Variants in ZNF578 observed in about 807,000 individuals in gnomAD.
ZNF578 encodes the protein zinc finger protein 578, also known as Putative chemokine-related protein B42.
Under a neutral mutation model 8.3 loss-of-function variants are expected in ZNF578, and 8 were observed. The observed-to-expected ratio is 0.96, with a 90% CI of 0.56 to 1.74. The LOEUF is 1.74. Among genes scored for constraint, ZNF578 ranks in the 40% most tolerant of loss-of-function variants. The pLI is 0.00. For synonymous variants in ZNF578, 206 were observed against 232.2 expected (o/e 0.89, Z 1.03); for missense variants, 726 against 707.5 (o/e 1.03, Z -0.30).
At chr19:52,483,889 A>G (rs1237323726) in intron 2 of ZNF578, among the ~76,000 whole-genome samples, 2 of 152,118 alleles carry the variant, frequency 1.3e-5, no homozygotes, top group East Asian at 3.9e-4. Context: ...GGCGTTTCTC[A>G]TCAGGTGGAA....
intron 3 of ZNF578, among the ~76,000 whole-genome samples, chr19:52,497,181 C>T (rs1200044835): frequency 6.6e-6 from 1 of 152,014 alleles, no homozygotes; most frequent in Admixed American, 6.5e-5. Context: ...CTCACTGCAA[C>T]CTCCGCCTCC....
At chr19:52,498,586 T>C (rs189348169) in intron 3 of ZNF578, among the ~76,000 whole-genome samples, 30 of 152,010 alleles carry the variant, frequency 2.0e-4, no homozygotes, top group African/African-American at 7.2e-4. Flanking sequence ...GATGTCACCA[T>C]ATTGGCCAGG....
At chr19:52,508,840 G>A (rs765851636) in intron 5 of ZNF578, among the ~76,000 whole-genome samples, 19 of 145,774 alleles carry the variant, frequency 1.3e-4, no homozygotes, top group African/African-American at 4.8e-4. Context: ...TAGCCAGTAC[G>A]AACATAACTG....
chr19:52,469,811 A>G (rs1048712113), intron 2 of ZNF578, among the ~76,000 whole-genome samples: 1 of 152,190 alleles, frequency 6.6e-6, no homozygotes, highest in Admixed American at 6.5e-5. Context: ...TCTAGAATAT[A>G]TCATACTTAG....
Position 52,510,914 on chromosome 19 carries a change from A to G in ZNF578, c.533A>G (p.Asn178Ser), listed in dbSNP as rs368978080. Residue 178 changes from asparagine (N) to serine (S), a missense_variant, in exon 6 of 6, where the codon AAT (asparagine) becomes AGT (serine). Physicochemically the swap from Asn to Ser is conservative, Grantham distance 46. Coordinates refer to ENST00000421239, the MANE Select transcript of ZNF578 (RefSeq NM_001099694.2). ...TTTCAGCCCGAAGAGAAAATTGCTA[A>G]TCAAGTGGAGAAGTCTGTCAACGAT... ...HIFQPEEKIA[N>S]QVEKSVNDAS... is the part of the protein sequence containing the mutation. 1 of 1,614,206 alleles carries G rather than the reference A, an allele frequency of 6.2e-7. No individual in the cohort carries two copies. Among genetic ancestry groups the G allele is most frequent in the South Asian group, 1.1e-5 (1 of 91,084 alleles).
At chr19:52,510,286 T>C (rs7248470) in intron 5 of ZNF578, among the ~76,000 whole-genome samples, 17,131 of 152,154 alleles carry the variant, frequency 0.11, 1,024 homozygotes, top group African/African-American at 0.16. Flanking sequence ...TGTGATACAC[T>C]GTAGGGTCAC....
chr19:52,471,148 C>T (rs1269200016), intron 2 of ZNF578, among the ~76,000 whole-genome samples: 8 of 152,142 alleles, frequency 5.3e-5, no homozygotes, highest in African/African-American at 9.7e-5. Context: ...ATTATGCTTC[C>T]GGCACACCCT....
chr19:52,514,646 G>C lies in ZNF578; in HGVS notation c.*2492G>C, dbSNP rs1487033402. On this transcript the variant is annotated 3_prime_UTR_variant, in exon 6 of 6. Coordinates refer to ENST00000421239, the MANE Select transcript of ZNF578 (RefSeq NM_001099694.2). The stretch of plus-strand genomic sequence containing the variant: ...ATGGGCTGGAGTGGCATAGAGCGCT[G>C]CTCCAAAAGCACCCATGTATTCTTT... Among the ~76,000 whole-genome samples, 1 of 152,100 alleles carries C rather than the reference G, an allele frequency of 6.6e-6. No homozygotes were observed. The highest frequency in any genetic ancestry group is 1.5e-5 in the Non-Finnish European group (1 of 68,022).
intron 2 of ZNF578, among the ~76,000 whole-genome samples, chr19:52,462,158 A>G (rs899773593): frequency 6.6e-6 from 1 of 152,086 alleles, no homozygotes; most frequent in Non-Finnish European, 1.5e-5. Context: ...GATTGTTGAC[A>G]CCTCTCTTTT....
Position 52,501,980 on chromosome 19 carries a change from G to A in ZNF578, c.63+72G>A, listed in dbSNP as rs563121204. 46 of 1,562,762 alleles carry A rather than the reference G, an allele frequency of 2.9e-5. No individual in the cohort carries two copies. The East Asian group carries it at 9.0e-4, about 31-fold the overall frequency. On this transcript the variant is annotated intron_variant, in intron 4 of 5. Coordinates refer to ENST00000421239, the MANE Select transcript of ZNF578 (RefSeq NM_001099694.2). The stretch of plus-strand genomic sequence containing the variant: ...AAGTGTAGTAGTATTATATTGTATT[G>A]TAGTAATGTATTGTAACAGCCAGTC...
chr19:52,501,722 G>A (rs1431369457), intron 3 of ZNF578, 105 bp from the exon 4 acceptor site: 1 of 1,155,246 alleles, frequency 8.7e-7, no homozygotes, highest in African/African-American at 1.6e-5. Context: ...GGGCAGTGGG[G>A]GGGGCTTCTT....
chr19:52,477,597 GT>G lies in ZNF578; in HGVS notation c.-121-13713del, dbSNP rs34090143. On this transcript the variant is annotated intron_variant, in intron 2 of 5. Transcript: ENST00000421239. ...AGTTATAACATTTTCCCATTTTAGG[GT>G]TTTTTTTTTTTTTCCATTTTAGGGT... 2.2e-3 allele frequency among the ~76,000 whole-genome samples: 305 copies of G among 138,698 alleles called. 3 individuals are homozygous for G. The highest frequency in any genetic ancestry group is 3.6e-3 in the Middle Eastern group (1 of 274). 91.0% of individuals were successfully genotyped at this position (138,698 alleles called of 152,430 possible).
Position 52,515,016 on chromosome 19 carries a change from G to A in ZNF578, c.*2862G>A, listed in dbSNP as rs1327442083. On this transcript the variant is annotated 3_prime_UTR_variant, in exon 6 of 6. Transcript: ENST00000421239. ...TTGCTTTTGTTGCTGAGGCTGGAGT[G>A]CAATGGTGCGATCTGGTGTCACTCC... 6.8e-6 allele frequency among the ~76,000 whole-genome samples: 1 copy of A among 147,078 alleles called. No individual in the cohort carries two copies. Among genetic ancestry groups the A allele is most frequent in the Non-Finnish European group, 1.5e-5 (1 of 67,404 alleles).
At chr19:52,456,503 A>T (rs2059240145) in intron 1 of ZNF578, 1 of 152,358 alleles carries the variant, frequency 6.6e-6, no homozygotes, top group Non-Finnish European at 1.5e-5. Context: ...TCGGCCTGTG[A>T]TCCACAGAGA....
At chr19:52,483,147 G>A (rs939651836) in intron 2 of ZNF578, among the ~76,000 whole-genome samples, 2 of 152,086 alleles carry the variant, frequency 1.3e-5, no homozygotes, top group African/African-American at 4.8e-5. Flanking sequence ...CGTGCGCGGT[G>A]GCTCACACTT....
chr19:52,468,735 G>A (rs530679643), intron 2 of ZNF578, among the ~76,000 whole-genome samples: 32 of 152,282 alleles, frequency 2.1e-4, no homozygotes, highest in African/African-American at 7.2e-4. Context: ...CTGCCAGTGT[G>A]GCTAGAACAA....
intron 2 of ZNF578, chr19:52,458,875 A>G (rs960198762): frequency 1.3e-5 from 2 of 152,182 alleles, no homozygotes; most frequent in Non-Finnish European, 2.9e-5. Flanking sequence ...TGCGTATATC[A>G]TAAGTATTTG....
chr19:52,508,795 C>CA (rs374726428), intron 5 of ZNF578, among the ~76,000 whole-genome samples: 16,297 of 100,664 alleles, frequency 0.16, 1,060 homozygotes, highest in Middle Eastern at 0.24. Context: ...AACTCTGTCT[C>CA]AAAAAAAAAA....
intron 2 of ZNF578, among the ~76,000 whole-genome samples, chr19:52,480,324 G>A (rs1436613203): frequency 6.6e-6 from 1 of 152,160 alleles, no homozygotes; most frequent in African/African-American, 2.4e-5. Flanking sequence ...GTAATTGCAA[G>A]TGAATATGTG....
Sources: allele counts gnomAD v4.1 joint callset (sites outside exome capture counted in the v4.1 genomes callset), GRCh38; gene constraint gnomAD v4.1.1; transcripts MANE v1.5; gene names NCBI Gene and HGNC (gene_info 2026-07-23, HGNC 2026-07-21).